IL1RAPL2: variants seen among roughly 807,000 people sequenced by gnomAD.
IL1RAPL2 encodes the protein interleukin 1 receptor accessory protein like 2.
In IL1RAPL2, 3 loss-of-function variants were observed where a neutral mutation model predicts 44.1. That is an observed-to-expected ratio of 0.07 (90% CI 0.03 to 0.18). The LOEUF is 0.18. Ranked by LOEUF, IL1RAPL2 falls within the 10% of genes least tolerant of loss-of-function variation. The pLI is 1.00. For synonymous variants in IL1RAPL2, 181 were observed against 178.8 expected (o/e 1.01, Z -0.10); for missense variants, 391 against 496.4 (o/e 0.79, Z 2.02).
At chrX:105,740,797 AACCATTTTG>A in intron 8 of IL1RAPL2, 106 bp downstream of exon 8, 1 of 751,310 alleles carries the variant, frequency 1.3e-6, no homozygotes, top group Non-Finnish European at 1.9e-6. Context: ...AACCTTTATT[AACCATTTTG>A]TCTTTTCAAG....
At chrX:104,811,702 G>C (rs946022599) in intron 2 of IL1RAPL2, among the ~76,000 whole-genome samples, 1 of 110,872 alleles carries the variant, frequency 9.0e-6, no homozygotes, top group Admixed American at 9.6e-5. Context: ...TAGTGTATGG[G>C]GTCTTAGCGA....
intron 2 of IL1RAPL2, among the ~76,000 whole-genome samples, chrX:104,990,821 A>AG (rs2030648205): frequency 1.8e-5 from 2 of 111,904 alleles, no homozygotes; most frequent in Admixed American, 1.9e-4. Flanking sequence ...GTTTTATTCC[A>AG]GATGGAACCT....
chrX:105,139,361 G>T (rs779710381), intron 2 of IL1RAPL2, among the ~76,000 whole-genome samples: 9 of 111,410 alleles, frequency 8.1e-5, no homozygotes, highest in Non-Finnish European at 1.7e-4. Context: ...TTTGAAAAAG[G>T]GGGGAGAATG....
At chrX:105,313,709 G>T (rs1322333800) in intron 5 of IL1RAPL2, among the ~76,000 whole-genome samples, 1 of 111,563 alleles carries the variant, frequency 9.0e-6, no homozygotes, top group African/African-American at 3.3e-5. Flanking sequence ...ACCTCCTTTT[G>T]CAGTGATTTT....
chrX:105,501,326 A>C (rs2036393311), intron 6 of IL1RAPL2, among the ~76,000 whole-genome samples: 2 of 111,837 alleles, frequency 1.8e-5, no homozygotes, highest in Non-Finnish European at 3.8e-5. Flanking sequence ...AGTGCTATCT[A>C]GAACCATAAG....
At chrX:104,750,869 A>G (rs972593763) in intron 2 of IL1RAPL2, among the ~76,000 whole-genome samples, 7 of 109,911 alleles carry the variant, frequency 6.4e-5, no homozygotes, top group African/African-American at 9.9e-5. Flanking sequence ...GTTTTTAAAA[A>G]CCCAAATTAA....
At chrX:105,312,483 G>T (rs2034805589) in intron 5 of IL1RAPL2, among the ~76,000 whole-genome samples, 1 of 111,648 alleles carries the variant, frequency 9.0e-6, no homozygotes, top group African/African-American at 3.2e-5. Context: ...TTGTTCCTGA[G>T]ACAACTTGCT....
intron 6 of IL1RAPL2, among the ~76,000 whole-genome samples, chrX:105,713,330 C>A (rs184772479): frequency 9.0e-6 from 1 of 111,550 alleles, no homozygotes; most frequent in Non-Finnish European, 1.9e-5. Context: ...GCCTGGACAT[C>A]CAGGCATTTC....
At chrX:104,751,851 C>A (rs1196414283) in intron 2 of IL1RAPL2, among the ~76,000 whole-genome samples, 1 of 111,017 alleles carries the variant, frequency 9.0e-6, no homozygotes, top group Non-Finnish European at 1.9e-5. Flanking sequence ...CGTTATTTAA[C>A]CTTTCTGGAA....
intron 2 of IL1RAPL2, among the ~76,000 whole-genome samples, chrX:104,796,376 C>A (rs1455399737): frequency 9.0e-6 from 1 of 111,594 alleles, no homozygotes; most frequent in Non-Finnish European, 1.9e-5. Context: ...CCTAAGGAGA[C>A]AATGGATATG....
At chrX:105,232,097 G>T (rs954457937) in intron 3 of IL1RAPL2, among the ~76,000 whole-genome samples, 10 of 111,751 alleles carry the variant, frequency 8.9e-5, no homozygotes, top group Non-Finnish European at 1.5e-4. Flanking sequence ...AGTGTGATGG[G>T]GTTGCATCTA....
chrX:105,416,393 A>C (rs2035733417), intron 5 of IL1RAPL2, among the ~76,000 whole-genome samples: 1 of 111,623 alleles, frequency 9.0e-6, no homozygotes, highest in Non-Finnish European at 1.9e-5. Flanking sequence ...CGCATCTCCA[A>C]TCAGATTGCC....
chrX:105,035,797 A>T (rs2031618646), intron 2 of IL1RAPL2, among the ~76,000 whole-genome samples: 1 of 112,609 alleles, frequency 8.9e-6, no homozygotes, highest in African/African-American at 3.2e-5. Context: ...AGATTACACT[A>T]AAAGCAATGT....
At chrX:105,097,099 C>T (rs945690427) in intron 2 of IL1RAPL2, among the ~76,000 whole-genome samples, 3 of 109,318 alleles carry the variant, frequency 2.7e-5, no homozygotes, top group African/African-American at 1.0e-4. Context: ...GAGGCCGAGG[C>T]GGGCGGATCA....
intron 2 of IL1RAPL2, among the ~76,000 whole-genome samples, chrX:104,742,936 G>T (rs938745664): frequency 8.9e-6 from 1 of 111,751 alleles, no homozygotes; most frequent in Admixed American, 9.5e-5. Flanking sequence ...GTGACTTCAG[G>T]TTTAATGCAT....
intron 1 of IL1RAPL2, among the ~76,000 whole-genome samples, chrX:104,583,431 A>G (rs1928452276): frequency 9.0e-6 from 1 of 111,598 alleles, no homozygotes; most frequent in African/African-American, 3.3e-5. Flanking sequence ...TTACGCAACC[A>G]TTAATCAACT....
At chrX:105,715,459 A>C (rs2038249101) in intron 6 of IL1RAPL2, among the ~76,000 whole-genome samples, 1 of 111,895 alleles carries the variant, frequency 8.9e-6, no homozygotes, top group Admixed American at 9.5e-5. Flanking sequence ...GAAATGGTAA[A>C]GATCACCTCT....
intron 2 of IL1RAPL2, among the ~76,000 whole-genome samples, chrX:104,815,692 A>G (rs1921113735): frequency 9.0e-6 from 1 of 111,630 alleles, no homozygotes; most frequent in Non-Finnish European, 1.9e-5. Flanking sequence ...TTTAAGACAT[A>G]GTATAAGATA....
intron 2 of IL1RAPL2, among the ~76,000 whole-genome samples, chrX:104,782,151 G>A (rs1176798586): frequency 9.0e-6 from 1 of 111,586 alleles, no homozygotes; most frequent in Non-Finnish European, 1.9e-5. Context: ...GTGGTATTTT[G>A]TTATGGCAGC....
Sources: allele counts gnomAD v4.1 joint callset (sites outside exome capture counted in the v4.1 genomes callset), GRCh38; gene constraint gnomAD v4.1.1; transcripts MANE v1.5; gene names NCBI Gene and HGNC (gene_info 2026-07-23, HGNC 2026-07-21).